Variants in IQSEC1 observed in about 807,000 individuals in gnomAD.
IQSEC1 encodes the protein IQ motif and SEC7 domain-containing protein 1.
Under a neutral mutation model 91.0 loss-of-function variants are expected in IQSEC1, and 31 were observed. The ratio of observed to expected loss-of-function variants is 0.34; its 90% confidence interval spans 0.26 to 0.46. The LOEUF is 0.46. Among genes scored for constraint, IQSEC1 ranks in the 20% least tolerant of loss-of-function variants. The pLI is 1.00. For synonymous variants in IQSEC1, 699 were observed against 662.6 expected (o/e 1.05, Z -0.84); for missense variants, 1,388 against 1,575.6 (o/e 0.88, Z 2.02).
intron 1 of IQSEC1, among the ~76,000 whole-genome samples, chr3:13,213,395 A>C (rs1694481279): frequency 6.6e-6 from 1 of 152,124 alleles, no homozygotes; most frequent in Non-Finnish European, 1.5e-5. Context: ...CTGTTTCGGT[A>C]CCATATAGTA....
intron 1 of IQSEC1, among the ~76,000 whole-genome samples, chr3:12,978,704 CA>C (rs10707484): frequency 0.67 from 94,597 of 141,530 alleles, 30,472 homozygotes; most frequent in East Asian, 0.89. Context: ...GGCTCAGTCT[CA>C]AAAAAAAAAA....
intron 1 of IQSEC1, among the ~76,000 whole-genome samples, chr3:13,031,418 G>C (rs868488062): frequency 8.0e-4 from 122 of 152,350 alleles, no homozygotes; most frequent in African/African-American, 2.8e-3. Context: ...TCTGCAACAT[G>C]GAATCCAAAA....
At chr3:13,234,012 G>A (rs1239774933) in intron 1 of IQSEC1, among the ~76,000 whole-genome samples, 3 of 152,250 alleles carry the variant, frequency 2.0e-5, no homozygotes, top group Non-Finnish European at 4.4e-5. Flanking sequence ...CTGACAAGGC[G>A]AAACTGACGC....
intron 6 of IQSEC1, among the ~76,000 whole-genome samples, chr3:12,919,061 T>C: frequency 6.6e-6 from 1 of 151,816 alleles, no homozygotes; most frequent in East Asian, 1.9e-4. Context: ...CTTGGCCCCA[T>C]GAGAAGGGAG....
At chr3:12,904,793 CCTT>C (rs1364535637) in intron 12 of IQSEC1, among the ~76,000 whole-genome samples, 1 of 152,242 alleles carries the variant, frequency 6.6e-6, no homozygotes, top group South Asian at 2.1e-4. Context: ...ACCGGCAACT[CCTT>C]CTGGCTGGCC....
In IQSEC1 at chr3:12,994,685, G is replaced by A. The variant is rs1702154012; in HGVS notation, c.24-52820C>T. On this transcript the variant is annotated intron_variant, in intron 1 of 13. Transcript: ENST00000613206. The surrounding 1 kb of genome is among the most constrained non-coding windows in gnomAD (Gnocchi z 4.5). ...TGAGGCCCACAGCAGGGAAGCCACT[G>A]GCCCAGAGGCGCACAGCTGCACCAC... Among the ~76,000 whole-genome samples, 1 of 152,218 alleles carries A rather than the reference G, an allele frequency of 6.6e-6. No individual in the cohort carries two copies. The highest frequency in any genetic ancestry group is 2.4e-5 in the African/African-American group (1 of 41,468).
rs1340181270 is a variant in IQSEC1, at chr3:12,967,623, C to T, written c.24-25758G>A. ...CTCCTGGTCCAGCGTCCGCCGGCTC[C>T]CGCGGCTCCGGCCCCAAGTCCGAGC... On this transcript the variant is annotated intron_variant, in intron 1 of 13. Transcript: ENST00000613206. The surrounding 1 kb of genome is among the most constrained non-coding windows in gnomAD (Gnocchi z 5.9). The T allele has an allele frequency of 2.4e-6, 3 of 1,234,310 alleles. No individual in the cohort carries two copies. Among genetic ancestry groups the T allele is most frequent in the Non-Finnish European group, 3.0e-6 (3 of 989,378 alleles). 76.5% of individuals were successfully genotyped at this position (1,234,310 alleles called of 1,614,324 possible).
At chr3:13,219,327 G>A (rs1019998441) in intron 1 of IQSEC1, among the ~76,000 whole-genome samples, 1 of 152,152 alleles carries the variant, frequency 6.6e-6, no homozygotes, top group Non-Finnish European at 1.5e-5. Flanking sequence ...CACTGGCCGC[G>A]GCTGCCCACA....
intron 1 of IQSEC1, among the ~76,000 whole-genome samples, chr3:12,961,693 C>G (rs1449815296): frequency 6.6e-6 from 1 of 152,214 alleles, no homozygotes; most frequent in Non-Finnish European, 1.5e-5. Flanking sequence ...TAATACGGTC[C>G]AGTTCCACAC....
chr3:13,022,295 G>A, intron 1 of IQSEC1: 1 of 1,215,216 alleles, frequency 8.2e-7, no homozygotes. Context: ...CCACTGCAGG[G>A]CTGAGCCACA....
chr3:13,121,987 G>C (rs557855419), intron 2 of IQSEC1, among the ~76,000 whole-genome samples: 1 of 152,236 alleles, frequency 6.6e-6, no homozygotes, highest in Non-Finnish European at 1.5e-5. Context: ...AGTTCAGGTC[G>C]GCCAGGCGCA....
At chr3:12,956,115 G>C (rs936582999) in intron 1 of IQSEC1, among the ~76,000 whole-genome samples, 1 of 152,162 alleles carries the variant, frequency 6.6e-6, no homozygotes, top group African/African-American at 2.4e-5. Flanking sequence ...GGTGGCAGCC[G>C]CATCCATCAG....
chr3:12,982,783 G>C (rs1207049217), intron 1 of IQSEC1, among the ~76,000 whole-genome samples: 2 of 152,224 alleles, frequency 1.3e-5, no homozygotes, highest in African/African-American at 4.8e-5. Context: ...GCCTGCCTGT[G>C]GTGGGGCTGT....
chr3:13,111,908 T>G (rs2124866122), intron 2 of IQSEC1, among the ~76,000 whole-genome samples: 1 of 152,310 alleles, frequency 6.6e-6, no homozygotes, highest in African/African-American at 2.4e-5. Flanking sequence ...CAGTAGATTA[T>G]TATAGGACTC....
At chr3:13,239,867 G>A (rs932202095) in intron 1 of IQSEC1, among the ~76,000 whole-genome samples, 3 of 152,212 alleles carry the variant, frequency 2.0e-5, no homozygotes, top group African/African-American at 7.2e-5. Context: ...GGGCCCCGAG[G>A]GGCTGCGGGT....
rs533978938 is a variant in IQSEC1, at chr3:12,975,541, T to G, written c.24-33676A>C. The stretch of plus-strand genomic sequence containing the variant: ...AACTTATGTAAGGCCACACAGCTAG[T>G]GCCTGGCTGGATCAGGGATTTGAGC... On this transcript the variant is annotated intron_variant, in intron 1 of 13. Transcript: ENST00000613206. Among the ~76,000 whole-genome samples the G allele has an allele frequency of 4.6e-5, 7 of 152,350 alleles. No homozygotes were observed. The South Asian group carries it at 1.5e-3, about 32-fold the overall frequency.
intron 1 of IQSEC1, chr3:13,047,499 C>A: frequency 1.0e-6 from 1 of 985,364 alleles, no homozygotes. Flanking sequence ...AGTGGAGAGG[C>A]TGCTTCCGGT....
chr3:13,060,057 C>T (rs1050336927), intron 1 of IQSEC1, among the ~76,000 whole-genome samples: 5 of 152,182 alleles, frequency 3.3e-5, no homozygotes, highest in Non-Finnish European at 7.3e-5. Context: ...AGTGCCACTA[C>T]GATGTGCTGA....
chr3:13,081,946 C>T (rs760497770), intron 2 of IQSEC1, among the ~76,000 whole-genome samples: 5 of 152,336 alleles, frequency 3.3e-5, no homozygotes, highest in East Asian at 1.9e-4. Context: ...TCGACAAAGG[C>T]GACCAAAGAC....
Sources: gnomAD v4.1 joint callset for allele counts (sites outside exome capture counted in the v4.1 genomes callset) on GRCh38, gnomAD v4.1.1 for gene constraint, Gnocchi (gnomAD v3.1) non-coding constraint, MANE v1.5 for transcripts, NCBI Gene and HGNC (gene_info 2026-07-23, HGNC 2026-07-21) for gene names.